Variants in ST3GAL5 observed in about 807,000 individuals in gnomAD.
ST3GAL5 encodes ST3 beta-galactoside alpha-2,3-sialyltransferase 5.
A neutral mutation model predicts 46.1 loss-of-function variants in ST3GAL5; 25 were observed. The observed-to-expected ratio is 0.54, with a 90% CI of 0.40 to 0.76. The LOEUF is 0.76. Ranked by LOEUF, ST3GAL5 falls within the 30% of genes least tolerant of loss-of-function variation. ST3GAL5 has a pLI of 0.00. For synonymous variants in ST3GAL5, 182 were observed against 192.7 expected (o/e 0.94, Z 0.46); for missense variants, 431 against 521.2 (o/e 0.83, Z 1.69).
At chr2:85,854,175 T>C (rs1683848387) in intron 3 of ST3GAL5, 1 of 152,150 alleles carries the variant, frequency 6.6e-6, no homozygotes, top group African/African-American at 2.4e-5. Context: ...TTTAAATAAT[T>C]GAAAAAAGTA....
intron 1 of ST3GAL5, among the ~76,000 whole-genome samples, chr2:85,864,840 C>T (rs187715290): frequency 6.6e-6 from 1 of 152,192 alleles, no homozygotes; most frequent in African/African-American, 2.4e-5. Flanking sequence ...TTCCCAGTCT[C>T]CCTTGGAGCT....
chr2:85,860,811 G>A (rs1684630231), intron 3 of ST3GAL5: 1 of 289,454 alleles, frequency 3.5e-6, no homozygotes, highest in Non-Finnish European at 6.7e-6. Flanking sequence ...TCAACCCTGG[G>A]TGCAGAGCGA....
chr2:85,852,357 C>G (rs1333649532), intron 3 of ST3GAL5, among the ~76,000 whole-genome samples: 1 of 152,172 alleles, frequency 6.6e-6, no homozygotes, highest in Non-Finnish European at 1.5e-5. Context: ...GCAGGTTGCT[C>G]TGATGCCCTA....
chr2:85,841,330 A>AT (rs199558616), intron 6 of ST3GAL5, among the ~76,000 whole-genome samples: 23 of 148,962 alleles, frequency 1.5e-4, no homozygotes, highest in East Asian at 4.0e-4. Flanking sequence ...GGGCAAGTAA[A>AT]TTTTGTTTTT....
At chr2:85,882,209 G>A (rs1687233695) in intron 1 of ST3GAL5, among the ~76,000 whole-genome samples, 1 of 152,220 alleles carries the variant, frequency 6.6e-6, no homozygotes, top group Admixed American at 6.5e-5. Context: ...GCAGGGGCGG[G>A]GACCTCATGG....
intron 1 of ST3GAL5, among the ~76,000 whole-genome samples, chr2:85,868,831 CTG>C (rs1685584034): frequency 6.6e-6 from 1 of 152,126 alleles, no homozygotes; most frequent in Non-Finnish European, 1.5e-5. Context: ...GTTGGCCAGG[CTG>C]GTCTCAAACT....
In ST3GAL5 at chr2:85,839,786, T is replaced by G; in HGVS notation, c.*358A>C. ...CCACCATCAAAAGAGTGACCTCCCC[T>G]CTCCTTCCAATTAGTTACCTGTATT... On this transcript the variant is annotated 3_prime_UTR_variant, in exon 7 of 7. Transcript: ENST00000638572. 1 of 340,376 alleles carries G rather than the reference T, an allele frequency of 2.9e-6. No individual in the cohort carries two copies. Among genetic ancestry groups the G allele is most frequent in the South Asian group, 2.4e-5 (1 of 41,322 alleles). The allele number at this position is 340,376 out of a possible 1,614,324, so 21.1% of individuals were successfully genotyped here. A position where few individuals can be genotyped will look rare whatever the true frequency, so the allele number is the denominator to read the frequency against.
rs1053153952 is a variant in ST3GAL5 at position 85,863,499 on chromosome 2, C to T, written c.83-14G>A. 1.9e-6 allele frequency: 3 copies of T among 1,613,828 alleles called. No individual in the cohort carries two copies. In the South Asian group the frequency reaches 3.3e-5, roughly 18 times the overall value. ...CACTTGGCATTGCTGTGAAGAGAGG[C>T]GAAGAGGGCAGTGGGGAAAAAGAGA... is the stretch of plus-strand genomic sequence containing the variant. On this transcript the variant is annotated splice_polypyrimidine_tract_variant and intron_variant, in intron 1 of 6. Coordinates refer to ENST00000638572, the MANE Select transcript of ST3GAL5 (RefSeq NM_003896.4).
chr2:85,860,675 T>C lies in ST3GAL5; in HGVS notation c.318+506A>G, dbSNP rs562355778. Among the ~76,000 whole-genome samples the C allele has an allele frequency of 9.4e-4, 143 of 151,904 alleles. 2 individuals carry two copies. The highest frequency in any genetic ancestry group is 6.2e-4 in the Non-Finnish European group (42 of 67,942). On this transcript the variant is annotated intron_variant, in intron 3 of 6. Transcript: ENST00000638572. ...ATAGCTTGAGCCTAGGAGTTCAAGA[T>C]CAGCCTGGGCAACATGGCAAGACCC...
At chr2:85,858,467 C>A (rs552175998) in intron 3 of ST3GAL5, among the ~76,000 whole-genome samples, 1 of 152,180 alleles carries the variant, frequency 6.6e-6, no homozygotes, top group African/African-American at 2.4e-5. Context: ...CCTGCCACCA[C>A]GCCCAGCTAA....
At chr2:85,862,641 T>G (rs1684853178) in intron 2 of ST3GAL5, among the ~76,000 whole-genome samples, 1 of 152,226 alleles carries the variant, frequency 6.6e-6, no homozygotes. Flanking sequence ...CCTGCTGCCT[T>G]GTGGCTGGCG....
intron 3 of ST3GAL5, chr2:85,854,001 T>C (rs1190652573): frequency 1.3e-5 from 2 of 152,214 alleles, no homozygotes; most frequent in Non-Finnish European, 2.9e-5. Flanking sequence ...ACCATAATTA[T>C]AGCAGGCTTT....
chr2:85,839,877 A>G lies in ST3GAL5; in HGVS notation c.*267T>C. On this transcript the variant is annotated 3_prime_UTR_variant, in exon 7 of 7. Transcript: ENST00000638572. ...TTACTTTCTTAAAAATCAATACAACATCGTTACATACAATTCTCTTTGAGA... is the reference window on the plus strand; with the variant it reads ...TTACTTTCTTAAAAATCAATACAACGTCGTTACATACAATTCTCTTTGAGA... 1 of 504,696 alleles carries G rather than the reference A, an allele frequency of 2.0e-6. No individual in the cohort carries two copies. The highest frequency in any genetic ancestry group is 3.6e-6 in the Non-Finnish European group (1 of 279,388). 31.3% of individuals were successfully genotyped at this position (504,696 alleles called of 1,614,324 possible). A position where few individuals can be genotyped will look rare whatever the true frequency, so the allele number is the denominator to read the frequency against.
At chr2:85,858,436 G>A (rs1468079375) in intron 3 of ST3GAL5, among the ~76,000 whole-genome samples, 4 of 152,124 alleles carry the variant, frequency 2.6e-5, no homozygotes, top group Non-Finnish European at 1.5e-5. Flanking sequence ...TCAGCCTCCT[G>A]AGTAGCTGGG....
At chr2:85,878,910 C>A (rs1156678918) in intron 1 of ST3GAL5, among the ~76,000 whole-genome samples, 1 of 152,106 alleles carries the variant, frequency 6.6e-6, no homozygotes, top group Non-Finnish European at 1.5e-5. Flanking sequence ...GACTAAGACT[C>A]TGGAGACAGG....
chr2:85,882,978 T>C (rs116104115), intron 1 of ST3GAL5, among the ~76,000 whole-genome samples: 2,357 of 152,312 alleles, frequency 0.015, 49 homozygotes, highest in African/African-American at 0.051. Context: ...TTTGATTTTA[T>C]AGGCCCATAG....
At chr2:85,845,106 C>T (rs1474625383) in intron 5 of ST3GAL5, 4 of 207,462 alleles carry the variant, frequency 1.9e-5, no homozygotes, top group Admixed American at 5.3e-5. Context: ...ATTAGTTTCA[C>T]AGACAGCTAG....
chr2:85,882,279 C>T (rs970105284), intron 1 of ST3GAL5, among the ~76,000 whole-genome samples: 8 of 152,202 alleles, frequency 5.3e-5, no homozygotes, highest in Non-Finnish European at 1.2e-4. Context: ...CACACAGAGT[C>T]CCTACTGGGG....
chr2:85,867,521 G>T, intron 1 of ST3GAL5: 1 of 775,464 alleles, frequency 1.3e-6, no homozygotes, highest in South Asian at 1.4e-5. Context: ...GTGGTGGGCA[G>T]GCATATGCAA....
Sources: gnomAD v4.1 joint callset for allele counts (sites outside exome capture counted in the v4.1 genomes callset) on GRCh38, gnomAD v4.1.1 for gene constraint, MANE v1.5 for transcripts, NCBI Gene and HGNC (gene_info 2026-07-23, HGNC 2026-07-21) for gene names.